ANKEF1: variants seen among roughly 807,000 people sequenced by gnomAD.
ANKEF1 encodes the protein ankyrin repeat and EF-hand domain containing 1.
Under a neutral mutation model 65.1 loss-of-function variants are expected in ANKEF1, and 43 were observed. That is an observed-to-expected ratio of 0.66 (90% CI 0.52 to 0.85). ANKEF1 has a LOEUF of 0.85. ANKEF1 is among the 40% of genes least tolerant of loss of function. ANKEF1 has a pLI of 0.00. For missense variants in ANKEF1, 934 were observed against 952.9 expected, an observed-to-expected ratio of 0.98 and a Z score of 0.26; for synonymous variants, 316 against 341.5, an observed-to-expected ratio of 0.93 and a Z score of 0.82.
chr20:10,050,098 A>T lies in ANKEF1; in HGVS notation c.1529A>T (p.Lys510Met), dbSNP rs1366712615. The change falls in exon 7 of 11, where the codon AAG becomes ATG. Residue 510 changes from lysine (K) to methionine (M), a missense_variant. Physicochemically the swap from Lys to Met is moderately conservative, Grantham distance 95 (BLOSUM62 -1). Coordinates refer to ENST00000378392, the MANE Select transcript of ANKEF1 (RefSeq NM_022096.6). ...TKAGDLASLK[K>M]AFESGIPVDM... ...GCAGGGGATCTGGCTTCTCTGAAAA[A>T]GGCCTTTGAATCAGGAATACCTGTG... 2 of 1,614,162 alleles carry T rather than the reference A, an allele frequency of 1.2e-6. No individual in the cohort carries two copies. The highest frequency in any genetic ancestry group is 1.1e-5 in the South Asian group (1 of 91,084).
At chr20:10,051,495 A>G (rs943670460) in intron 7 of ANKEF1, among the ~76,000 whole-genome samples, 168 bp from the exon 8 acceptor site, 1 of 152,240 alleles carries the variant, frequency 6.6e-6, no homozygotes, top group African/African-American at 2.4e-5. Context: ...ACACAAAGAA[A>G]GTTAAGACTG....
intron 4 of ANKEF1, among the ~76,000 whole-genome samples, chr20:10,043,874 G>A (rs1984351491): frequency 6.6e-6 from 1 of 151,880 alleles, no homozygotes; most frequent in African/African-American, 2.4e-5. Context: ...TGTTGGCCAG[G>A]CTGATTTCGA....
intron 3 of ANKEF1, among the ~76,000 whole-genome samples, chr20:10,040,012 AAATC>A (rs1367205103): frequency 2.0e-5 from 3 of 152,240 alleles, no homozygotes; most frequent in Non-Finnish European, 2.9e-5. Context: ...TTTTTTTAAA[AAATC>A]AAGGTAAAAT....
chr20:10,037,540 G>C (rs568774003), intron 2 of ANKEF1, among the ~76,000 whole-genome samples: 5 of 152,304 alleles, frequency 3.3e-5, no homozygotes, highest in African/African-American at 1.2e-4. Context: ...AGAAGGGACA[G>C]CCCCATCCAA....
In ANKEF1 at chr20:10,057,358, G is replaced by T. The variant is rs1985229890; in HGVS notation, c.*1698G>T. ...AGATTTGCTATTACAACTAAATTTTGTCTGTTTTGTAAGGTTTTGGTTGGT... is the reference window on the plus strand; with the variant it reads ...AGATTTGCTATTACAACTAAATTTTTTCTGTTTTGTAAGGTTTTGGTTGGT... On this transcript the variant is annotated 3_prime_UTR_variant, in exon 11 of 11. Transcript: ENST00000378392. The T allele has an allele frequency of 6.6e-6, 1 of 152,132 alleles. No individual in the cohort carries two copies. The highest frequency in any genetic ancestry group is 1.5e-5 in the Non-Finnish European group (1 of 68,006). 9.4% of individuals were successfully genotyped at this position (152,132 alleles called of 1,614,324 possible).
chr20:10,047,538 A>G (rs190850762), intron 6 of ANKEF1, among the ~76,000 whole-genome samples: 26 of 152,274 alleles, frequency 1.7e-4, no homozygotes, highest in Non-Finnish European at 2.5e-4. Flanking sequence ...GGCTGGATTC[A>G]TTTCTCACAT....
intron 7 of ANKEF1, among the ~76,000 whole-genome samples, chr20:10,051,455 A>C (rs1421956886): frequency 6.6e-6 from 1 of 152,198 alleles, no homozygotes; most frequent in Admixed American, 6.6e-5. Flanking sequence ...CGTAATCCCT[A>C]GAATCTAAAG....
chr20:10,040,758 T>C (rs1984138972), intron 3 of ANKEF1: 1 of 152,218 alleles, frequency 6.6e-6, no homozygotes. Context: ...CAGATACACT[T>C]TAACTGTGTG....
intron 8 of ANKEF1, among the ~76,000 whole-genome samples, chr20:10,052,130 A>G (rs907037840): frequency 6.6e-6 from 1 of 152,160 alleles, no homozygotes; most frequent in Non-Finnish European, 1.5e-5. Flanking sequence ...TTTGTAAAAT[A>G]TAATAAAATT....
rs144639140 is a variant in ANKEF1, at chr20:10,039,796, A to G, written c.346+1149A>G. On this transcript the variant is annotated intron_variant, in intron 3 of 10. Transcript: ENST00000378392. Reference sequence around the variant, plus strand: ...CACATTTTAGGCATTTATCTTTCACATTGTTGGCTCAAAAATGGTGACATT... The same window carrying G: ...CACATTTTAGGCATTTATCTTTCACGTTGTTGGCTCAAAAATGGTGACATT... Among the ~76,000 whole-genome samples, 1,098 of 152,290 alleles carry G rather than the reference A, an allele frequency of 7.2e-3. 8 individuals carry two copies. The highest frequency in any genetic ancestry group is 0.014 in the Middle Eastern group (4 of 294).
Position 10,049,936 on chromosome 20 carries a change from T to C in ANKEF1, c.1367T>C (p.Ile456Thr), listed in dbSNP as rs1474312133. The change falls in exon 7 of 11, where the codon ATT becomes ACT. Residue 456 changes from isoleucine (I) to threonine (T), a missense_variant. Transcript: ENST00000378392. ...RQDGGPPYYM[I>T]ETYKNVTDSS... ...GATGGTGGGCCACCGTATTACATGA[T>C]TGAGACCTACAAGAATGTCACTGAT... The C allele has an allele frequency of 6.2e-7, 1 of 1,614,096 alleles. No homozygotes were observed. The highest frequency in any genetic ancestry group is 8.5e-7 in the Non-Finnish European group (1 of 1,180,034).
In ANKEF1 at chr20:10,055,614, A is replaced by G. The variant is rs370309810; in HGVS notation, c.2285A>G (p.Asn762Ser). Residue 762 changes from asparagine (N) to serine (S), a missense_variant, in exon 11 of 11, where the codon AAC becomes AGC. Asn to Ser is a conservative substitution (Grantham distance 46, BLOSUM62 1). Coordinates refer to ENST00000378392, the MANE Select transcript of ANKEF1 (RefSeq NM_022096.6). ...FDDFMMPFQK[N>S]ITEKARALEA... ...GATTTTATGATGCCTTTTCAGAAGA[A>G]CATCACAGAGAAAGCTCGAGCACTG... 4 of 1,613,726 alleles carry G rather than the reference A, an allele frequency of 2.5e-6. No individual in the cohort carries two copies. Among genetic ancestry groups the G allele is most frequent in the African/African-American group, 1.3e-5 (1 of 74,906 alleles).
rs1984755529 is a variant in ANKEF1, at chr20:10,049,981, A to T, written c.1412A>T (p.Asp471Val). The change falls in exon 7 of 11, where the codon GAT (aspartate) becomes GTT (valine). Residue 471 changes from aspartate to valine, a missense_variant. Physicochemically the swap from Asp to Val is radical, Grantham distance 152. Transcript: ENST00000378392. ...ACTGATAGCAGCCGGTTTAATAGAG[A>T]TCATCCCCCAGAACATCCCATTCAG... ...NVTDSSRFNR[D>V]HPPEHPIQDD... The T allele has an allele frequency of 1.2e-6, 2 of 1,614,018 alleles. No individual in the cohort carries two copies. The highest frequency in any genetic ancestry group is 4.5e-5 in the East Asian group (2 of 44,892).
chr20:10,044,073 A>T (rs1178048874), intron 4 of ANKEF1, among the ~76,000 whole-genome samples: 1 of 152,034 alleles, frequency 6.6e-6, no homozygotes, highest in Non-Finnish European at 1.5e-5. Context: ...ACCTAATTTT[A>T]TATTAGGTGT....
Position 10,055,505 on chromosome 20 carries a change from T to C in ANKEF1, c.2176T>C (p.Trp726Arg). ...VDITFIPRRI[W>R]SPEATTAELI... ...TATGGCTATTTTTCTTTTTAAGATT[T>C]GGAGTCCTGAAGCCACAACAGCAGA... is the stretch of plus-strand genomic sequence containing the variant. The change falls in exon 11 of 11, where the codon TGG becomes CGG. Residue 726 changes from tryptophan (W) to arginine (R), a missense_variant. Coordinates refer to ENST00000378392, the MANE Select transcript of ANKEF1 (RefSeq NM_022096.6). 6.2e-7 allele frequency: 1 copy of C among 1,613,398 alleles called. No homozygotes were observed. The highest frequency in any genetic ancestry group is 8.5e-7 in the Non-Finnish European group (1 of 1,179,598).
intron 9 of ANKEF1, among the ~76,000 whole-genome samples, chr20:10,053,691 C>A (rs905513076): frequency 3.3e-5 from 5 of 152,150 alleles, no homozygotes; most frequent in Non-Finnish European, 5.9e-5. Flanking sequence ...ACCACCATAT[C>A]CCCTTTCATT....
chr20:10,051,343 G>GTATTACAT (rs1984845062), intron 7 of ANKEF1, among the ~76,000 whole-genome samples: 1 of 152,150 alleles, frequency 6.6e-6, no homozygotes, highest in Admixed American at 6.5e-5. Context: ...ATTTAAAAAT[G>GTATTACAT]TATTACATGC....
At chr20:10,043,067 C>A in intron 3 of ANKEF1, 55 bp from the exon 4 acceptor site, 1 of 1,527,738 alleles carries the variant, frequency 6.5e-7, no homozygotes, top group Non-Finnish European at 9.0e-7. Flanking sequence ...TACTTTCCTT[C>A]CTGTCAAATA....
At chr20:10,049,210 A>G (rs1407489308) in intron 6 of ANKEF1, among the ~76,000 whole-genome samples, 180 bp from the exon 7 acceptor site, 1 of 152,234 alleles carries the variant, frequency 6.6e-6, no homozygotes, top group Non-Finnish European at 1.5e-5. Context: ...CACAGAAAAA[A>G]AAAATCACAG....
Sources: allele counts gnomAD v4.1 joint callset (sites outside exome capture counted in the v4.1 genomes callset), GRCh38; gene constraint gnomAD v4.1.1; transcripts MANE v1.5; gene names NCBI Gene and HGNC (gene_info 2026-07-23, HGNC 2026-07-21).